ANTXR1: variants seen among roughly 807,000 people sequenced by gnomAD.
ANTXR1 encodes ANTXR cell adhesion molecule 1, also known as anthrax toxin receptor 1.
ANTXR1 carries 19 observed loss-of-function variants against 78.1 expected under a neutral mutation model. The observed-to-expected ratio is 0.24, with a 90% CI of 0.17 to 0.36. The LOEUF is 0.36. Ranked by LOEUF, ANTXR1 falls within the 10% of genes least tolerant of loss-of-function variation. The pLI is 1.00. For missense variants in ANTXR1, 518 were observed against 718.6 expected (o/e 0.72, Z 3.19); for synonymous variants, 273 against 260.5 (o/e 1.05, Z -0.46).
intron 1 of ANTXR1, among the ~76,000 whole-genome samples, chr2:69,019,940 A>G (rs1671135513): frequency 6.6e-6 from 1 of 152,218 alleles, no homozygotes; most frequent in African/African-American, 2.4e-5. Context: ...ATAAAATGCC[A>G]TGGTGTATAT....
intron 17 of ANTXR1, among the ~76,000 whole-genome samples, chr2:69,223,737 A>T (rs1378037014): frequency 6.6e-6 from 1 of 152,246 alleles, no homozygotes; most frequent in Non-Finnish European, 1.5e-5. Flanking sequence ...AGATTCTTTA[A>T]ATCAGAATAA....
chr2:69,171,685 A>T (rs1019500754), intron 14 of ANTXR1, among the ~76,000 whole-genome samples: 2 of 152,174 alleles, frequency 1.3e-5, no homozygotes, highest in Non-Finnish European at 2.9e-5. Flanking sequence ...GTAGGTTAAG[A>T]CTGGGCTCTG....
chr2:69,076,848 G>C (rs1354808090), intron 7 of ANTXR1, among the ~76,000 whole-genome samples: 1 of 152,184 alleles, frequency 6.6e-6, no homozygotes, highest in Non-Finnish European at 1.5e-5. Context: ...AGAGATCTGG[G>C]GGCAGACAAG....
chr2:69,241,033 A>G (rs894977652), intron 17 of ANTXR1, among the ~76,000 whole-genome samples: 9 of 152,196 alleles, frequency 5.9e-5, no homozygotes, highest in Non-Finnish European at 1.0e-4. Flanking sequence ...ATTTAATCTG[A>G]GAAATTTTTG....
intron 8 of ANTXR1, among the ~76,000 whole-genome samples, chr2:69,077,817 G>T (rs999957773): frequency 6.6e-6 from 1 of 152,196 alleles, no homozygotes; most frequent in African/African-American, 2.4e-5. Context: ...TTCCCATTGT[G>T]ACTGAACACA....
chr2:69,177,116 A>C (rs567066984), intron 14 of ANTXR1, among the ~76,000 whole-genome samples: 1 of 152,226 alleles, frequency 6.6e-6, no homozygotes, highest in Admixed American at 6.5e-5. Flanking sequence ...TAACAGTTAA[A>C]CGTGTTGAGT....
intron 13 of ANTXR1, among the ~76,000 whole-genome samples, chr2:69,169,813 C>T (rs1222647062): frequency 2.0e-5 from 3 of 152,272 alleles, no homozygotes; most frequent in Non-Finnish European, 4.4e-5. Context: ...GTGGGGTCCA[C>T]GCTTGACACA....
chr2:69,110,732 C>T (rs1253450604), intron 10 of ANTXR1, among the ~76,000 whole-genome samples: 6 of 151,878 alleles, frequency 4.0e-5, no homozygotes, highest in African/African-American at 1.5e-4. Context: ...CATGGTGGTG[C>T]GCACCTGTAG....
chr2:69,107,263 A>G (rs542778141), intron 10 of ANTXR1, among the ~76,000 whole-genome samples: 12 of 152,116 alleles, frequency 7.9e-5, no homozygotes, highest in Non-Finnish European at 1.6e-4. Context: ...TTTTTGAGAC[A>G]GGGTCTGGCT....
chr2:69,120,441 G>A lies in ANTXR1; in HGVS notation c.803-2576G>A, dbSNP rs550432055. ...AGCACTTTGGGAGGCCGAGGCAGGC[G>A]GAGCACAAGGTCAGGAGTTTGAGAC... On this transcript the variant is annotated intron_variant, in intron 10 of 17. Coordinates refer to ENST00000303714, the MANE Select transcript of ANTXR1 (RefSeq NM_032208.3). 9.9e-5 allele frequency among the ~76,000 whole-genome samples: 15 copies of A among 152,242 alleles called. 1 individual carries two copies. The highest frequency in any genetic ancestry group is 4.2e-4 in the South Asian group (2 of 4,816).
chr2:69,031,838 A>C (rs953383170), intron 1 of ANTXR1, among the ~76,000 whole-genome samples: 1 of 152,232 alleles, frequency 6.6e-6, no homozygotes, highest in Non-Finnish European at 1.5e-5. Context: ...TGAATTTCAA[A>C]TGTTAACTTT....
At chr2:69,051,405 T>C (rs985727158) in intron 3 of ANTXR1, among the ~76,000 whole-genome samples, 4 of 152,194 alleles carry the variant, frequency 2.6e-5, no homozygotes, top group Admixed American at 1.3e-4. Context: ...CCTGTTCTTA[T>C]TATTGTTAAT....
chr2:69,150,086 G>C (rs184633608), intron 12 of ANTXR1, among the ~76,000 whole-genome samples: 1 of 152,194 alleles, frequency 6.6e-6, no homozygotes, highest in Non-Finnish European at 1.5e-5. Context: ...GGGACCAGAG[G>C]TGTTTAGTTC....
chr2:69,081,220 G>A (rs983152986), intron 8 of ANTXR1, among the ~76,000 whole-genome samples: 5 of 152,196 alleles, frequency 3.3e-5, no homozygotes, highest in African/African-American at 1.2e-4. Context: ...TCTTATAATG[G>A]TGGAGTGGGG....
At chr2:69,219,422 C>CACACACACACACA (rs58106996) in intron 17 of ANTXR1, among the ~76,000 whole-genome samples, 62 of 150,600 alleles carry the variant, frequency 4.1e-4, no homozygotes, top group South Asian at 1.5e-3. Context: ...CACACACACA[C>CACACACACACACA]CCTACTGATG....
intron 10 of ANTXR1, among the ~76,000 whole-genome samples, chr2:69,116,414 A>T (rs1165740508): frequency 6.6e-6 from 1 of 152,226 alleles, no homozygotes; most frequent in Non-Finnish European, 1.5e-5. Context: ...TTACAAGTCT[A>T]ACTTTTTTCA....
chr2:69,141,071 T>C (rs1673055073), intron 12 of ANTXR1, among the ~76,000 whole-genome samples: 2 of 152,230 alleles, frequency 1.3e-5, no homozygotes, highest in South Asian at 4.1e-4. Flanking sequence ...TCTTGACACA[T>C]GGATGGCAAT....
At chr2:69,211,643 T>C (rs1406056915) in intron 17 of ANTXR1, among the ~76,000 whole-genome samples, 2 of 152,238 alleles carry the variant, frequency 1.3e-5, no homozygotes. Flanking sequence ...CAACATGCAT[T>C]GGGAATCTCC....
At chr2:69,170,412 A>G in intron 14 of ANTXR1, 123 bp downstream of exon 14, 1 of 1,134,226 alleles carries the variant, frequency 8.8e-7, no homozygotes, top group Non-Finnish European at 1.3e-6. Context: ...AAAGGATTTA[A>G]TGTACCTGCC....
Sources: gnomAD v4.1 joint callset for allele counts (sites outside exome capture counted in the v4.1 genomes callset) on GRCh38, gnomAD v4.1.1 for gene constraint, MANE v1.5 for transcripts, NCBI Gene and HGNC (gene_info 2026-07-23, HGNC 2026-07-21) for gene names.